Variants in KCTD16 observed in about 807,000 individuals in gnomAD.
KCTD16 encodes the protein BTB/POZ domain-containing protein KCTD16.
In KCTD16, 13 loss-of-function variants were observed where a neutral mutation model predicts 33.2. The observed-to-expected ratio is 0.39, with a 90% CI of 0.25 to 0.62. The LOEUF is 0.62. Among genes scored for constraint, KCTD16 ranks in the 20% least tolerant of loss-of-function variants. The pLI, the probability that KCTD16 is intolerant of heterozygous loss-of-function variation, is 0.50. For synonymous variants in KCTD16, 197 were observed against 195.3 expected, an observed-to-expected ratio of 1.01 and a Z score of -0.07; for missense variants, 441 against 525.1, an observed-to-expected ratio of 0.84 and a Z score of 1.57.
chr5:144,290,749 GT>G (rs1166696032), intron 3 of KCTD16, among the ~76,000 whole-genome samples: 2 of 152,242 alleles, frequency 1.3e-5, no homozygotes, highest in East Asian at 3.9e-4. Context: ...GTCAAGAAGG[GT>G]AGTTTTTACC....
chr5:144,225,930 A>C (rs149580946), intron 3 of KCTD16, among the ~76,000 whole-genome samples: 1 of 152,206 alleles, frequency 6.6e-6, no homozygotes, highest in Non-Finnish European at 1.5e-5. Flanking sequence ...GCTTGCAACC[A>C]AAAAACTAGA....
chr5:144,397,005 T>C (rs1462925068), intron 3 of KCTD16, among the ~76,000 whole-genome samples: 1 of 151,234 alleles, frequency 6.6e-6, no homozygotes, highest in Non-Finnish European at 1.5e-5. Flanking sequence ...ACATGTGCCA[T>C]GTTTGTGTGC....
intron 3 of KCTD16, among the ~76,000 whole-genome samples, chr5:144,321,308 G>C (rs1752069716): frequency 6.6e-6 from 1 of 152,122 alleles, no homozygotes. Context: ...AAATCACCTA[G>C]GGTGTTAAAA....
chr5:144,182,109 G>C (rs939431975), intron 2 of KCTD16, among the ~76,000 whole-genome samples: 1 of 151,104 alleles, frequency 6.6e-6, no homozygotes, highest in African/African-American at 2.4e-5. Context: ...AAAGTTATCA[G>C]GCCACTAGAG....
At chr5:144,459,165 G>A (rs933153480) in intron 3 of KCTD16, among the ~76,000 whole-genome samples, 2 of 152,076 alleles carry the variant, frequency 1.3e-5, no homozygotes, top group African/African-American at 2.4e-5. Context: ...TCATTTTATT[G>A]GGATGGCTAA....
intron 3 of KCTD16, among the ~76,000 whole-genome samples, chr5:144,381,156 A>G (rs747588671): frequency 1.3e-5 from 2 of 152,198 alleles, no homozygotes; most frequent in Non-Finnish European, 2.9e-5. Flanking sequence ...ACACGAACAG[A>G]CACTTTTCAA....
At position 144,476,138 on chromosome 5, in the gene KCTD16, A is replaced by G. The variant is rs971627032; in HGVS notation, c.*2024A>G. The G allele has an allele frequency of 6.6e-6, 1 of 152,230 alleles. No homozygotes were observed. Among genetic ancestry groups the G allele is most frequent in the Non-Finnish European group, 1.5e-5 (1 of 68,044 alleles). 9.4% of individuals were successfully genotyped at this position (152,230 alleles called of 1,614,324 possible). On this transcript the variant is annotated 3_prime_UTR_variant, in exon 4 of 4. Coordinates refer to ENST00000512467, the MANE Select transcript of KCTD16 (RefSeq NM_020768.4). ...AGCACATGGCAATACCATCATCCTA[A>G]TAACAGAAGATCTTGCAAAGAATCA...
intron 3 of KCTD16, among the ~76,000 whole-genome samples, chr5:144,299,128 A>ATCAC (rs1428393108): frequency 3.6e-5 from 1 of 27,414 alleles, no homozygotes; most frequent in Non-Finnish European, 6.1e-5. Flanking sequence ...ATATATATAT[A>ATCAC]TATATATATA....
chr5:144,278,885 G>C (rs1165368008), intron 3 of KCTD16, among the ~76,000 whole-genome samples: 1 of 152,128 alleles, frequency 6.6e-6, no homozygotes, highest in Admixed American at 6.5e-5. Flanking sequence ...TGTATTATAC[G>C]TATAGATCAA....
At chr5:144,187,455 C>T (rs577353033) in intron 2 of KCTD16, among the ~76,000 whole-genome samples, 10 of 152,056 alleles carry the variant, frequency 6.6e-5, no homozygotes, top group Non-Finnish European at 1.3e-4. Flanking sequence ...CATATACACA[C>T]ACACATACAC....
intron 2 of KCTD16, among the ~76,000 whole-genome samples, chr5:144,203,520 T>C (rs1409602153): frequency 6.6e-6 from 1 of 152,172 alleles, no homozygotes; most frequent in Non-Finnish European, 1.5e-5. Flanking sequence ...ACCTCTCTGT[T>C]CCTCAGTTCT....
intron 3 of KCTD16, among the ~76,000 whole-genome samples, chr5:144,302,173 A>T (rs1751459786): frequency 1.3e-5 from 2 of 152,324 alleles, no homozygotes; most frequent in South Asian, 4.1e-4. Context: ...TTCATAGGTG[A>T]TCATTATAAA....
intron 3 of KCTD16, among the ~76,000 whole-genome samples, chr5:144,436,590 C>CT (rs112607433): frequency 0.067 from 9,571 of 142,318 alleles, 1,009 homozygotes; most frequent in African/African-American, 0.23. Context: ...TGTTTAACTT[C>CT]TTTTTTTTTT....
In KCTD16 at chr5:144,285,960, ATCT is replaced by A. The variant is rs1755733068; in HGVS notation, c.832+78416_832+78418del. Among the ~76,000 whole-genome samples the A allele has an allele frequency of 3.8e-5, 5 of 131,218 alleles. No individual in the cohort carries two copies. In the South Asian group the frequency reaches 1.2e-3, roughly 30 times the overall value. The allele number at this position is 131,218 out of a possible 152,430, so 86.1% of individuals were successfully genotyped here. A position where few individuals can be genotyped will look rare whatever the true frequency, so the allele number is the denominator to read the frequency against. ...TGTGATTTTAATGGCTGCCATCCTA[ATCT>A]TTTTTTTTTTTTTTTTTTCAGATAA... On this transcript the variant is annotated intron_variant, in intron 3 of 3. Coordinates refer to ENST00000512467, the MANE Select transcript of KCTD16 (RefSeq NM_020768.4).
intron 3 of KCTD16, among the ~76,000 whole-genome samples, chr5:144,354,180 C>T (rs78848476): frequency 0.062 from 9,399 of 152,058 alleles, 339 homozygotes; most frequent in East Asian, 0.12. Context: ...TTTTGTAACT[C>T]GCTTTTATCA....
rs760301381 is a variant in KCTD16 at position 144,411,677 on chromosome 5, G to A, written c.833-61983G>A. Among the ~76,000 whole-genome samples the A allele has an allele frequency of 3.3e-5, 5 of 151,916 alleles. No homozygotes were observed. The East Asian group carries it at 5.8e-4, about 18-fold the overall frequency. On this transcript the variant is annotated intron_variant, in intron 3 of 3. Transcript: ENST00000512467. ...AGCATAGGGAACAAAAGCAAAAACC[G>A]GCAAATAGAATTACATCAAGCTAAA...
At chr5:144,449,322 C>T (rs976210797) in intron 3 of KCTD16, among the ~76,000 whole-genome samples, 1 of 151,870 alleles carries the variant, frequency 6.6e-6, no homozygotes, top group African/African-American at 2.4e-5. Flanking sequence ...AATGTGCATA[C>T]TATGCAAAGC....
At chr5:144,400,121 C>G (rs895890829) in intron 3 of KCTD16, among the ~76,000 whole-genome samples, 2 of 152,164 alleles carry the variant, frequency 1.3e-5, no homozygotes, top group Non-Finnish European at 2.9e-5. Flanking sequence ...TCTTTCATCT[C>G]TGATTCAGAC....
intron 3 of KCTD16, among the ~76,000 whole-genome samples, chr5:144,455,169 C>T (rs116865390): frequency 1.0e-3 from 153 of 151,956 alleles, no homozygotes; most frequent in African/African-American, 3.3e-3. Context: ...CCAACAGAGG[C>T]GCATTGAGGA....
Sources: allele counts gnomAD v4.1 joint callset (sites outside exome capture counted in the v4.1 genomes callset), GRCh38; gene constraint gnomAD v4.1.1; transcripts MANE v1.5; gene names NCBI Gene and HGNC (gene_info 2026-07-23, HGNC 2026-07-21).